Variants in NIN observed in about 807,000 individuals in gnomAD.
NIN encodes ninein.
Under a neutral mutation model 257.6 loss-of-function variants are expected in NIN, and 137 were observed. The ratio of observed to expected loss-of-function variants is 0.53; its 90% CI spans 0.46 to 0.61. The LOEUF (loss-of-function observed/expected upper bound fraction) is 0.61, where lower values mean the gene tolerates loss of function less well. NIN is among the 20% of genes least tolerant of loss of function. The pLI is 0.00. For missense variants in NIN, 2,439 were observed against 2,501.2 expected (o/e 0.98, Z 0.53); for synonymous variants, 918 against 919.8 (o/e 1.00, Z 0.04).
intron 5 of NIN, among the ~76,000 whole-genome samples, chr14:50,785,869 T>C (rs1423007307): frequency 2.6e-5 from 4 of 152,180 alleles, no homozygotes; most frequent in Admixed American, 2.6e-4. Flanking sequence ...GCAAAGGCAA[T>C]GGAGAGCCTG....
At position 50,772,971 on chromosome 14, in the gene NIN, AGTT is replaced by A; in HGVS notation, c.788_790del (p.Gln263del). On this transcript the variant is annotated inframe_deletion, in exon 8 of 31. Coordinates refer to ENST00000530997, the MANE Select transcript of NIN (RefSeq NM_020921.4). ...TACCTGCATGGAAAGGTGCCTTTTTAGTTGTCTATATGGAGTAGATGCTGATGG... is the reference window on the plus strand; with the variant it reads ...TACCTGCATGGAAAGGTGCCTTTTTAGTCTATATGGAGTAGATGCTGATGG... The A allele has an allele frequency of 6.2e-7, 1 of 1,609,916 alleles. No homozygotes were observed. Among genetic ancestry groups the A allele is most frequent in the Admixed American group, 1.7e-5 (1 of 59,038 alleles).
Position 50,757,484 on chromosome 14 carries a change from C to T in NIN, c.3546G>A (p.Glu1182=), listed in dbSNP as rs753795664. 6.2e-7 allele frequency: 1 copy of T among 1,613,938 alleles called. No homozygotes were observed. The highest frequency in any genetic ancestry group is 8.5e-7 in the Non-Finnish European group (1 of 1,180,026). The change falls in exon 18 of 31, where the codon GAG becomes GAA. Residue 1182 remains glutamate, a synonymous_variant. Coordinates refer to ENST00000530997, the MANE Select transcript of NIN (RefSeq NM_020921.4). The part of the protein sequence containing the change: ...ESEASVEGFS[E]LENSEETRTE... ...TCCTGGTCTCTTCACTGTTTTCAAG[C>T]TCAGAAAAACCCTCTACTGAAGCTT...
At chr14:50,764,140 A>G (rs902008079) in intron 14 of NIN, among the ~76,000 whole-genome samples, 176 bp from the exon 15 acceptor site, 24 of 152,248 alleles carry the variant, frequency 1.6e-4, no homozygotes, top group African/African-American at 5.3e-4. Context: ...ACTTGTAACT[A>G]GAATATATAA....
intron 28 of NIN, among the ~76,000 whole-genome samples, chr14:50,734,151 G>A (rs1317137921): frequency 6.7e-5 from 10 of 149,522 alleles, no homozygotes; most frequent in African/African-American, 2.2e-4. Flanking sequence ...GTGCAATGAC[G>A]TGATCTCGGC....
intron 4 of NIN, among the ~76,000 whole-genome samples, chr14:50,800,498 T>C (rs1195339151): frequency 1.3e-5 from 2 of 152,246 alleles, no homozygotes; most frequent in Non-Finnish European, 2.9e-5. Flanking sequence ...CCAACATATA[T>C]ATTTTTTCAC....
At chr14:50,741,906 G>A in intron 24 of NIN, 178 bp from the exon 25 acceptor site, 3 of 559,456 alleles carry the variant, frequency 5.4e-6, no homozygotes, top group Non-Finnish European at 9.3e-6. Flanking sequence ...TTTACAGGAT[G>A]TTAAATTATA....
In NIN at chr14:50,768,087, A is replaced by G. The variant is rs960916192; in HGVS notation, c.1435-1197T>C. The stretch of plus-strand genomic sequence containing the variant: ...CACACACACACACACACACACACAC[A>G]CACACACACACAGACGTGCCATTTG... On this transcript the variant is annotated intron_variant, in intron 12 of 30. Transcript: ENST00000530997. Among the ~76,000 whole-genome samples the G allele has an allele frequency of 2.0e-5, 3 of 151,168 alleles. No individual in the cohort carries two copies. In the Admixed American group the frequency reaches 2.0e-4, roughly 10 times the overall value.
chr14:50,807,574 C>T (rs1420525419), intron 3 of NIN, among the ~76,000 whole-genome samples: 1 of 152,196 alleles, frequency 6.6e-6, no homozygotes, highest in East Asian at 1.9e-4. Context: ...CATCACAATT[C>T]TAGTTTGATA....
chr14:50,762,647 T>C (rs1458649771), intron 15 of NIN, among the ~76,000 whole-genome samples: 1 of 152,162 alleles, frequency 6.6e-6, no homozygotes, highest in Admixed American at 6.5e-5. Context: ...CCCACGACGA[T>C]GACTGAGAAT....
At chr14:50,745,769 T>C (rs1248209204) in intron 22 of NIN, among the ~76,000 whole-genome samples, 1 of 152,232 alleles carries the variant, frequency 6.6e-6, no homozygotes, top group Non-Finnish European at 1.5e-5. Flanking sequence ...GTCTGTAAAC[T>C]GGCATGTAAC....
chr14:50,773,184 G>A (rs2042798954), intron 7 of NIN, 89 bp from the exon 8 acceptor site: 2 of 1,020,496 alleles, frequency 2.0e-6, no homozygotes, highest in Admixed American at 2.3e-5. Context: ...TCAGTACCAT[G>A]GTTGGTCCCA....
intron 2 of NIN, among the ~76,000 whole-genome samples, chr14:50,827,974 AAAAAAAC>A (rs1458155446): frequency 1.3e-5 from 2 of 151,732 alleles, no homozygotes; most frequent in African/African-American, 2.4e-5. Flanking sequence ...CTACAGGAAA[AAAAAAAC>A]AAAAAACAAA....
intron 25 of NIN, among the ~76,000 whole-genome samples, chr14:50,739,874 G>A (rs1008529355): frequency 1.3e-5 from 2 of 152,344 alleles, no homozygotes; most frequent in South Asian, 2.1e-4. Flanking sequence ...TTGATTCACA[G>A]AGGACATAAA....
In NIN at chr14:50,792,697, T is replaced by C. The variant is rs368776672; in HGVS notation, c.435+15A>G. ...CACTCATGATCCAGATGAACGTGCA[T>C]GCCCGATTCCTTACCTCACTGCAGT... On this transcript the variant is annotated intron_variant, in intron 5 of 30. Transcript: ENST00000530997. The C allele has an allele frequency of 5.0e-4, 815 of 1,613,978 alleles. No homozygotes were observed. Among genetic ancestry groups the C allele is most frequent in the Non-Finnish European group, 6.6e-4 (781 of 1,179,966 alleles).
chr14:50,786,057 ACCTGCT>A (rs2043335284), intron 5 of NIN, among the ~76,000 whole-genome samples: 1 of 152,186 alleles, frequency 6.6e-6, no homozygotes, highest in African/African-American at 2.4e-5. Flanking sequence ...TTTAGATGAG[ACCTGCT>A]ACACTGAAGG....
chr14:50,828,967 CA>C (rs147880580), intron 2 of NIN, among the ~76,000 whole-genome samples: 2,885 of 152,266 alleles, frequency 0.019, 92 homozygotes, highest in African/African-American at 0.065. Context: ...CATTTTAATG[CA>C]GACTGTATGA....
chr14:50,764,725 T>C (rs934537752), intron 14 of NIN, among the ~76,000 whole-genome samples: 4 of 151,982 alleles, frequency 2.6e-5, no homozygotes, highest in Non-Finnish European at 5.9e-5. Context: ...AGGGCTAATA[T>C]TGTAAGATTC....
intron 3 of NIN, among the ~76,000 whole-genome samples, chr14:50,816,794 G>A (rs936216573): frequency 2.0e-5 from 3 of 152,098 alleles, no homozygotes; most frequent in Admixed American, 6.5e-5. Context: ...AATCAGGTCG[G>A]TAGAAGAGAA....
intron 5 of NIN, among the ~76,000 whole-genome samples, chr14:50,782,674 G>T (rs552930740): frequency 6.6e-6 from 1 of 152,130 alleles, no homozygotes; most frequent in Non-Finnish European, 1.5e-5. Flanking sequence ...AACAGAAATA[G>T]GTACAACTCT....
Sources: allele counts gnomAD v4.1 joint callset (sites outside exome capture counted in the v4.1 genomes callset), GRCh38; gene constraint gnomAD v4.1.1; transcripts MANE v1.5; gene names NCBI Gene and HGNC (gene_info 2026-07-23, HGNC 2026-07-21).